The following CFAP20DC variants were observed in gnomAD, a reference collection of about 807,000 sequenced individuals.
CFAP20DC encodes protein CFAP20DC.
A neutral mutation model predicts 101.7 loss-of-function variants in CFAP20DC; 84 were observed. That is an observed-to-expected ratio of 0.83 (90% CI 0.69 to 0.99). The LOEUF is 0.99. Ranked by LOEUF, CFAP20DC falls within the 50% of genes least tolerant of loss-of-function variation. The pLI, the probability that CFAP20DC is intolerant of heterozygous loss-of-function variation, is 0.00. For missense variants in CFAP20DC, 1,007 were observed against 970.3 expected (o/e 1.04, Z -0.50); for synonymous variants, 359 against 351.2 (o/e 1.02, Z -0.25).
Position 58,742,687 on chromosome 3 carries a change from A to G in CFAP20DC, c.2333-115T>C, listed in dbSNP as rs561465286. On this transcript the variant is annotated intron_variant, in intron 16 of 16. Coordinates refer to ENST00000482387, the MANE Select transcript of CFAP20DC (RefSeq NM_001394063.1). ...CCTGGGGGATTTTCTTTATGCAGGTAGAAGGTTTAGGCCTGAAGGAAGAGC... is the reference window on the plus strand; with the variant it reads ...CCTGGGGGATTTTCTTTATGCAGGTGGAAGGTTTAGGCCTGAAGGAAGAGC... 172 of 616,850 alleles carry G rather than the reference A, an allele frequency of 2.8e-4. 1 individual carries two copies. The South Asian group carries it at 4.2e-3, about 15-fold the overall frequency. 38.2% of individuals were successfully genotyped at this position (616,850 alleles called of 1,614,324 possible).
chr3:58,902,052 G>A (rs771229348), intron 6 of CFAP20DC, among the ~76,000 whole-genome samples: 1 of 152,162 alleles, frequency 6.6e-6, no homozygotes, highest in Admixed American at 6.5e-5. Context: ...CACTGAGCAT[G>A]TTTTGGAGGT....
In CFAP20DC at chr3:58,742,495, CA is replaced by C. The variant is rs1232113868; in HGVS notation, c.2409del (p.Phe803LeufsTer29). 6.2e-7 allele frequency: 1 copy of C among 1,607,028 alleles called. No individual in the cohort carries two copies. The highest frequency in any genetic ancestry group is 8.5e-7 in the Non-Finnish European group (1 of 1,176,592). On this transcript the variant is annotated frameshift_variant, in exon 17 of 17. Transcript: ENST00000482387. LOFTEE classifies it high-confidence loss of function. ...TCATAGTATTTCCCTGTTTGGGGGTCAAAGTAACAGTTCAGACAAGGGTCAT... is the reference window on the plus strand; with the variant it reads ...TCATAGTATTTCCCTGTTTGGGGGTCAAGTAACAGTTCAGACAAGGGTCAT... ...LLYDPCLNCY[F>X]DPQTGKYYEL...
intron 15 of CFAP20DC, 135 bp downstream of exon 15, chr3:58,806,260 T>C (rs1172136418): frequency 1.6e-6 from 1 of 645,006 alleles, no homozygotes; most frequent in Non-Finnish European, 2.7e-6. Flanking sequence ...GACAAGTAGA[T>C]GAACTAGGAC....
chr3:58,960,713 T>A (rs2091062287), intron 4 of CFAP20DC, among the ~76,000 whole-genome samples: 1 of 152,190 alleles, frequency 6.6e-6, no homozygotes, highest in African/African-American at 2.4e-5. Flanking sequence ...GACACATGTT[T>A]ATGATTAAAG....
At chr3:59,040,798 A>G (rs1301040611) in intron 3 of CFAP20DC, among the ~76,000 whole-genome samples, 1 of 152,078 alleles carries the variant, frequency 6.6e-6, no homozygotes, top group Non-Finnish European at 1.5e-5. Context: ...ATTCTAAACA[A>G]TAAACATATT....
chr3:59,011,353 G>A (rs1033166319), intron 4 of CFAP20DC, among the ~76,000 whole-genome samples: 1 of 149,850 alleles, frequency 6.7e-6, no homozygotes, highest in African/African-American at 2.5e-5. Context: ...AGTCAAGATT[G>A]CACCACTACA....
At chr3:58,937,094 C>T (rs2087791901) in intron 5 of CFAP20DC, among the ~76,000 whole-genome samples, 1 of 152,042 alleles carries the variant, frequency 6.6e-6, no homozygotes, top group Non-Finnish European at 1.5e-5. Context: ...AAAATCAGGC[C>T]CTTCAGAAGT....
In CFAP20DC at chr3:59,046,081, T is replaced by G. The variant is rs145988156; in HGVS notation, c.205+148A>C. On this transcript the variant is annotated intron_variant, in intron 3 of 16. Transcript: ENST00000482387. ...AGGCCTAGCATAGTGCCTAGCATAG[T>G]TAGTTGCCCTCTAAATTAAAAAAAA... 1.5e-3 allele frequency: 880 copies of G among 597,720 alleles called. 16 individuals carry two copies. In the East Asian group the frequency reaches 0.026, roughly 17 times the overall value. The allele number at this position is 597,720 out of a possible 1,614,324, so 37.0% of individuals were successfully genotyped here. A position where few individuals can be genotyped will look rare whatever the true frequency, so the allele number is the denominator to read the frequency against.
chr3:58,787,672 C>T (rs2072478283), intron 15 of CFAP20DC, among the ~76,000 whole-genome samples: 2 of 152,044 alleles, frequency 1.3e-5, no homozygotes, highest in Non-Finnish European at 2.9e-5. Flanking sequence ...AATCATTCTA[C>T]TATAAAGATG....
At chr3:59,026,458 T>C (rs570702807) in intron 4 of CFAP20DC, among the ~76,000 whole-genome samples, 2 of 152,302 alleles carry the variant, frequency 1.3e-5, no homozygotes, top group South Asian at 4.1e-4. Context: ...ACTATTTTCT[T>C]TAAAGGAAGG....
intron 4 of CFAP20DC, among the ~76,000 whole-genome samples, chr3:59,020,456 G>A (rs2093780843): frequency 6.6e-6 from 1 of 151,952 alleles, no homozygotes; most frequent in Admixed American, 6.6e-5. Flanking sequence ...GAACACAATA[G>A]GTGCTCATAT....
At chr3:58,966,138 T>C (rs893348966) in intron 4 of CFAP20DC, among the ~76,000 whole-genome samples, 4 of 152,356 alleles carry the variant, frequency 2.6e-5, no homozygotes, top group African/African-American at 7.2e-5. Flanking sequence ...AATGTGCTCA[T>C]GTGGTCCTGC....
Position 59,001,866 on chromosome 3 carries a change from C to T in CFAP20DC, c.278+37691G>A, listed in dbSNP as rs1365199798. ...GTAATCAGTGGGCTTCCTGGGCTCT[C>T]TGCCAATTAGTGTGGCTTGAGCGGA... On this transcript the variant is annotated intron_variant, in intron 4 of 16. Transcript: ENST00000482387. This position sits in a 1 kb window ranked among gnomAD's most constrained non-coding sequence, Gnocchi z 4.5. Among the ~76,000 whole-genome samples the T allele has an allele frequency of 6.6e-6, 1 of 152,170 alleles. No homozygotes were observed. Among genetic ancestry groups the T allele is most frequent in the Non-Finnish European group, 1.5e-5 (1 of 68,038 alleles).
At chr3:58,996,332 T>A (rs968187040) in intron 4 of CFAP20DC, among the ~76,000 whole-genome samples, 1 of 152,230 alleles carries the variant, frequency 6.6e-6, no homozygotes, top group Admixed American at 6.5e-5. Context: ...AAGCCCATTC[T>A]AGGCTTCACG....
intron 5 of CFAP20DC, among the ~76,000 whole-genome samples, chr3:58,920,435 G>C (rs1318036170): frequency 6.6e-6 from 1 of 152,058 alleles, no homozygotes; most frequent in Non-Finnish European, 1.5e-5. Flanking sequence ...TAGGGAGTAA[G>C]CAGTCAATAT....
At chr3:59,047,328 G>C in intron 1 of CFAP20DC, 74 bp from the exon 2 acceptor site, 1 of 981,682 alleles carries the variant, frequency 1.0e-6, no homozygotes, top group East Asian at 2.6e-5. Flanking sequence ...TCTATAACCA[G>C]TGTTCCCGGC....
At position 58,717,571 on chromosome 3, in the gene CFAP20DC, G is replaced by A. The variant is rs983742407; in HGVS notation, c.*17C>T. 3 of 451,314 alleles carry A rather than the reference G, an allele frequency of 6.6e-6. No homozygotes were observed. Among genetic ancestry groups the A allele is most frequent in the Non-Finnish European group, 1.3e-5 (3 of 225,724 alleles). 28.0% of individuals were successfully genotyped at this position (451,314 alleles called of 1,614,324 possible). On this transcript the variant is annotated 3_prime_UTR_variant, in exon 4 of 4. Transcript: ENST00000486145. The surrounding 1 kb of genome is among the most constrained non-coding windows in gnomAD (Gnocchi z 4.1). The stretch of plus-strand genomic sequence containing the variant: ...CCAGGTTCTTGTCCTGATATCTTTA[G>A]AGTGTGAGTTTTGCCTTCACAGTTG...
At chr3:59,037,778 A>G (rs1280787702) in intron 4 of CFAP20DC, among the ~76,000 whole-genome samples, 3 of 152,230 alleles carry the variant, frequency 2.0e-5, no homozygotes, top group Non-Finnish European at 4.4e-5. Flanking sequence ...ATTACCTGGT[A>G]TATACCCAAA....
chr3:58,833,981 G>A (rs2076569004), intron 13 of CFAP20DC, among the ~76,000 whole-genome samples: 1 of 152,280 alleles, frequency 6.6e-6, no homozygotes, highest in South Asian at 2.1e-4. Flanking sequence ...TATATGAAAT[G>A]TCCAGAATAG....
Sources: gnomAD v4.1 joint callset for allele counts (sites outside exome capture counted in the v4.1 genomes callset) on GRCh38, gnomAD v4.1.1 for gene constraint, Gnocchi (gnomAD v3.1) non-coding constraint, MANE v1.5 for transcripts, NCBI Gene and HGNC (gene_info 2026-07-23, HGNC 2026-07-21) for gene names.